The following LVRN variants were observed in gnomAD, a reference collection of about 807,000 sequenced individuals.
LVRN encodes the protein laeverin, also known as aminopeptidase Q.
A neutral mutation model predicts 111.4 loss-of-function variants in LVRN; 99 were observed. That is an observed-to-expected ratio of 0.89 (90% CI 0.76 to 1.05). The LOEUF is 1.05. Ranked by LOEUF, LVRN falls within the 50% of genes least tolerant of loss-of-function variation. LVRN has a pLI of 0.00. For synonymous variants in LVRN, 488 were observed against 449.5 expected (o/e 1.09, Z -1.08); for missense variants, 1,414 against 1,206.8 (o/e 1.17, Z -2.54).
At position 116,003,224 on chromosome 5, in the gene LVRN, C is replaced by G. The variant is rs1748277192; in HGVS notation, c.1898-17C>G. 4 of 1,555,328 alleles carry G rather than the reference C, an allele frequency of 2.6e-6. No homozygotes were observed. The highest frequency in any genetic ancestry group is 4.6e-5 in the East Asian group (2 of 43,656). On this transcript the variant is annotated splice_polypyrimidine_tract_variant and intron_variant, in intron 11 of 19. Transcript: ENST00000357872. Reference sequence around the variant, plus strand: ...TTTAAATGTACCATTTCAAATTATTCCCATATTCCTTTATAGAAGTATTCC... The same window carrying G: ...TTTAAATGTACCATTTCAAATTATTGCCATATTCCTTTATAGAAGTATTCC...
chr5:115,983,223 A>G (rs566108802), intron 1 of LVRN, 64 bp from the exon 2 acceptor site: 23 of 1,458,764 alleles, frequency 1.6e-5, no homozygotes, highest in Admixed American at 8.5e-5. Context: ...TCATCTCTCA[A>G]TGTTTTTTTA....
At chr5:115,997,600 G>C (rs188957601) in intron 6 of LVRN, among the ~76,000 whole-genome samples, 1 of 151,924 alleles carries the variant, frequency 6.6e-6, no homozygotes, top group East Asian at 1.9e-4. Context: ...GGAAATTGAA[G>C]CTGCGGCGAG....
At position 116,015,320 on chromosome 5, in the gene LVRN, A is replaced by G. The variant is rs1477436511; in HGVS notation, c.2519A>G (p.Asp840Gly). ...GCCTTGGGAAGTGATAAAGAGTGGG[A>G]CATCTTGTTAAATACTTACACTAAT... ...GIALGSDKEW[D>G]ILLNTYTNTT... Residue 840 changes from aspartate to glycine, a missense_variant, in exon 17 of 20, where the codon GAC (aspartate) becomes GGC (glycine). Transcript: ENST00000357872. 1.2e-5 allele frequency: 20 copies of G among 1,612,310 alleles called. No individual in the cohort carries two copies. The East Asian group carries it at 2.5e-4, about 20-fold the overall frequency.
intron 1 of LVRN, among the ~76,000 whole-genome samples, chr5:115,974,097 C>A (rs952677514): frequency 6.6e-6 from 1 of 152,100 alleles, no homozygotes; most frequent in Non-Finnish European, 1.5e-5. Context: ...TAGCTCAGTC[C>A]ACCATCATAG....
At chr5:115,987,766 AAATCACTACTGGTTTTCCT>A in intron 3 of LVRN, 28 bp from the exon 4 acceptor site, 2 of 1,580,762 alleles carry the variant, frequency 1.3e-6, no homozygotes, top group Non-Finnish European at 1.7e-6. Context: ...CCTCTTTCCA[AAATCACTACTGGTTTTCCT>A]AATCACTGCT....
intron 18 of LVRN, among the ~76,000 whole-genome samples, chr5:116,016,971 C>T (rs975381043): frequency 5.3e-5 from 8 of 152,106 alleles, no homozygotes; most frequent in Non-Finnish European, 1.2e-4. Context: ...AGTTTTAGTC[C>T]TTCTACATCA....
intron 1 of LVRN, among the ~76,000 whole-genome samples, chr5:115,972,539 T>A (rs867840094): frequency 1.3e-4 from 20 of 151,996 alleles, no homozygotes; most frequent in South Asian, 6.2e-4. Context: ...CTGTCTTGAA[T>A]AAAGACAGTT....
At chr5:116,025,334 G>A (rs193008366) in intron 19 of LVRN, among the ~76,000 whole-genome samples, 4 of 152,262 alleles carry the variant, frequency 2.6e-5, no homozygotes, top group East Asian at 1.9e-4. Context: ...GGCTATAAGC[G>A]TTCGGAGTTC....
intron 5 of LVRN, 104 bp downstream of exon 5, chr5:115,992,381 T>C: frequency 7.6e-7 from 1 of 1,315,412 alleles, no homozygotes; most frequent in Non-Finnish European, 1.1e-6. Context: ...TACCATATTT[T>C]AAAAAGAAAA....
In LVRN at chr5:116,004,440, A is replaced by G. The variant is rs141507746; in HGVS notation, c.2037+1060A>G. On this transcript the variant is annotated intron_variant, in intron 12 of 19. Transcript: ENST00000357872. ...CAAAACTGGAGTGCTGAACTAAAAG[A>G]TGTCTCTCTGTTAAGTGTCTCTGTG... 2.2e-3 allele frequency among the ~76,000 whole-genome samples: 334 copies of G among 152,248 alleles called. 2 individuals carry two copies. The highest frequency in any genetic ancestry group is 7.6e-3 in the African/African-American group (316 of 41,532).
chr5:115,981,733 T>C (rs1042989096), intron 1 of LVRN, among the ~76,000 whole-genome samples: 1 of 152,162 alleles, frequency 6.6e-6, no homozygotes, highest in Non-Finnish European at 1.5e-5. Flanking sequence ...CCCCCAACCC[T>C]GGGACTTTTA....
At chr5:115,974,068 G>A (rs1448432649) in intron 1 of LVRN, among the ~76,000 whole-genome samples, 1 of 152,126 alleles carries the variant, frequency 6.6e-6, no homozygotes, top group Non-Finnish European at 1.5e-5. Context: ...TTTGAAGTAG[G>A]AGGTAAGGTT....
intron 2 of LVRN, among the ~76,000 whole-genome samples, chr5:115,983,668 G>C (rs1487896184): frequency 6.6e-6 from 1 of 152,162 alleles, no homozygotes; most frequent in Non-Finnish European, 1.5e-5. Context: ...TGGGCAGTCT[G>C]CCTGCCACTT....
chr5:115,973,275 G>A (rs957484952), intron 1 of LVRN, among the ~76,000 whole-genome samples: 3 of 152,098 alleles, frequency 2.0e-5, no homozygotes, highest in East Asian at 1.9e-4. Context: ...TGATGCATTA[G>A]CCTTTTAATA....
rs150992701 is a variant in LVRN at position 116,005,713 on chromosome 5, G to C, written c.2038-199G>C. 4.0e-4 allele frequency: 259 copies of C among 648,082 alleles called. 1 individual carries two copies. The African/African-American group carries it at 4.3e-3, about 11-fold the overall frequency. 40.1% of individuals were successfully genotyped at this position (648,082 alleles called of 1,614,324 possible). On this transcript the variant is annotated intron_variant, in intron 12 of 19. Coordinates refer to ENST00000357872, the MANE Select transcript of LVRN (RefSeq NM_173800.5). ...AAACCTTATGATTGATGTCCAGAGG[G>C]TTCATTTATTTCAAAAACATATGTA...
At chr5:115,970,161 T>C (rs1407196017) in intron 1 of LVRN, among the ~76,000 whole-genome samples, 2 of 152,188 alleles carry the variant, frequency 1.3e-5, no homozygotes, top group Non-Finnish European at 2.9e-5. Context: ...AAACCATCAC[T>C]ACAATCAATA....
chr5:116,021,894 C>A, intron 18 of LVRN: 1 of 326,170 alleles, frequency 3.1e-6, no homozygotes, highest in East Asian at 8.0e-5. Context: ...AGCCATGGTG[C>A]TCAGCCTTCA....
intron 13 of LVRN, among the ~76,000 whole-genome samples, chr5:116,009,473 A>G (rs1748443576): frequency 6.6e-6 from 1 of 152,206 alleles, no homozygotes; most frequent in African/African-American, 2.4e-5. Flanking sequence ...GCTTCCATAG[A>G]TAATGATCCT....
In LVRN at chr5:115,980,274, A is replaced by G. The variant is rs1249994580; in HGVS notation, c.696-3013A>G. ...TCCAAAGCACAGAGAAAAGGGAAGG[A>G]AACACCACTGTGAGGTTCTCAGAGG... On this transcript the variant is annotated intron_variant, in intron 1 of 19. Transcript: ENST00000357872. Among the ~76,000 whole-genome samples the G allele has an allele frequency of 1.3e-5, 2 of 151,998 alleles. 1 individual carries two copies. The highest frequency in any genetic ancestry group is 1.3e-4 in the Admixed American group (2 of 15,232).
Sources: gnomAD v4.1 joint callset for allele counts (sites outside exome capture counted in the v4.1 genomes callset) on GRCh38, gnomAD v4.1.1 for gene constraint, MANE v1.5 for transcripts, NCBI Gene and HGNC (gene_info 2026-07-23, HGNC 2026-07-21) for gene names.